Variants in VSNL1 observed in about 807,000 individuals in gnomAD.
VSNL1 encodes the protein visinin like 1.
A neutral mutation model predicts 20.4 loss-of-function variants in VSNL1; 6 were observed. The ratio of observed to expected loss-of-function variants is 0.29; its 90% CI spans 0.16 to 0.58. The LOEUF is 0.58. VSNL1 is among the 20% of genes least tolerant of loss of function. VSNL1 has a pLI of 0.90. For missense variants in VSNL1, 100 were observed against 234.5 expected (o/e 0.43, Z 3.75); for synonymous variants, 93 against 86.4 (o/e 1.08, Z -0.42).
intron 2 of VSNL1, among the ~76,000 whole-genome samples, chr2:17,617,269 C>T (rs986703410): frequency 2.6e-5 from 4 of 152,128 alleles, no homozygotes; most frequent in Non-Finnish European, 5.9e-5. Context: ...CCAAGGTGGG[C>T]AGATCCCCTG....
chr2:17,543,426 A>G (rs183846206), intron 1 of VSNL1, among the ~76,000 whole-genome samples: 35 of 152,286 alleles, frequency 2.3e-4, no homozygotes, highest in African/African-American at 8.2e-4. Flanking sequence ...CCTCCTCCAA[A>G]ACCACTGCAG....
chr2:17,612,017 A>C (rs1288227187), intron 2 of VSNL1, among the ~76,000 whole-genome samples: 1 of 152,186 alleles, frequency 6.6e-6, no homozygotes, highest in African/African-American at 2.4e-5. Context: ...AGACTTTGTC[A>C]TTTGTCAGGG....
At chr2:17,618,346 G>T (rs1256228574) in intron 2 of VSNL1, among the ~76,000 whole-genome samples, 1 of 152,126 alleles carries the variant, frequency 6.6e-6, no homozygotes, top group Non-Finnish European at 1.5e-5. Flanking sequence ...TCATTTGGAG[G>T]CTTGAGACCC....
At chr2:17,632,508 T>C (rs1665658351) in intron 2 of VSNL1, among the ~76,000 whole-genome samples, 1 of 151,824 alleles carries the variant, frequency 6.6e-6, no homozygotes, top group South Asian at 2.1e-4. Context: ...ACCATGTTGG[T>C]TAGGCTGGTT....
At chr2:17,560,641 T>A (rs959019695) in intron 1 of VSNL1, among the ~76,000 whole-genome samples, 27 of 152,136 alleles carry the variant, frequency 1.8e-4, no homozygotes, top group African/African-American at 6.3e-4. Flanking sequence ...AAGACTTCAA[T>A]TTTTTAAAGC....
intron 1 of VSNL1, among the ~76,000 whole-genome samples, chr2:17,559,097 C>T (rs1396641652): frequency 1.3e-5 from 2 of 152,004 alleles, no homozygotes; most frequent in Non-Finnish European, 1.5e-5. Context: ...AGTGTGGCGG[C>T]AGCCACATAT....
At chr2:17,549,631 C>T (rs62130448) in intron 1 of VSNL1, among the ~76,000 whole-genome samples, 4,453 of 152,202 alleles carry the variant, frequency 0.029, 63 homozygotes, top group Middle Eastern at 0.054. Flanking sequence ...GGAAATATAT[C>T]TTTACAGAAA....
At chr2:17,640,000 G>A (rs1315547261) in intron 2 of VSNL1, among the ~76,000 whole-genome samples, 1 of 152,212 alleles carries the variant, frequency 6.6e-6, no homozygotes, top group Non-Finnish European at 1.5e-5. Flanking sequence ...TGTAATCCCA[G>A]CACTTTTGGG....
At chr2:17,566,200 A>AT (rs1663936528) in intron 1 of VSNL1, among the ~76,000 whole-genome samples, 1 of 151,988 alleles carries the variant, frequency 6.6e-6, no homozygotes. Context: ...TTTTTTTGCT[A>AT]TTACAAAGTT....
chr2:17,592,103 C>G lies in VSNL1; in HGVS notation c.29C>G (p.Pro10Arg). 1.2e-6 allele frequency: 2 copies of G among 1,613,802 alleles called. No homozygotes were observed. Among genetic ancestry groups the G allele is most frequent in the Non-Finnish European group, 1.7e-6 (2 of 1,179,796 alleles). Residue 10 changes from proline (P) to arginine (R), a missense_variant, in exon 2 of 4, where the codon CCT (proline) becomes CGT (arginine). Coordinates refer to ENST00000295156, the MANE Select transcript of VSNL1 (RefSeq NM_003385.5). ...GGGAAGCAGAATAGCAAACTGGCCC[C>G]TGAAGTGATGGAGGACCTGGTGAAG... Reference protein sequence around the residue: MGKQNSKLAPEVMEDLVKST... With the variant: MGKQNSKLAREVMEDLVKST...
chr2:17,646,043 A>G (rs1665984345), intron 2 of VSNL1, among the ~76,000 whole-genome samples: 1 of 152,234 alleles, frequency 6.6e-6, no homozygotes, highest in African/African-American at 2.4e-5. Flanking sequence ...AATTTATCAC[A>G]GTAAAATTTT....
chr2:17,651,889 GTCT>G (rs1477822463), intron 3 of VSNL1, among the ~76,000 whole-genome samples: 1 of 152,166 alleles, frequency 6.6e-6, no homozygotes, highest in East Asian at 1.9e-4. Flanking sequence ...GTATTTTGTT[GTCT>G]TCATTTATAG....
At chr2:17,593,742 T>C (rs1183148350) in intron 2 of VSNL1, among the ~76,000 whole-genome samples, 2 of 152,230 alleles carry the variant, frequency 1.3e-5, no homozygotes, top group East Asian at 1.9e-4. Flanking sequence ...ATAGAAGTGC[T>C]GAGAAAGTGC....
chr2:17,548,148 A>ACCTT (rs1380381285), intron 1 of VSNL1, among the ~76,000 whole-genome samples: 2 of 152,106 alleles, frequency 1.3e-5, no homozygotes, highest in Admixed American at 6.6e-5. Flanking sequence ...AAGAAAAGAT[A>ACCTT]CCTTCCAACT....
intron 1 of VSNL1, among the ~76,000 whole-genome samples, chr2:17,574,326 C>G (rs1192043590): frequency 2.0e-5 from 3 of 152,156 alleles, no homozygotes; most frequent in African/African-American, 7.2e-5. Context: ...TTAGCCCTAT[C>G]ATCACATGAA....
At chr2:17,574,418 A>T (rs1296847748) in intron 1 of VSNL1, among the ~76,000 whole-genome samples, 3 of 152,136 alleles carry the variant, frequency 2.0e-5, no homozygotes, top group African/African-American at 4.8e-5. Flanking sequence ...TCTGCCCCCT[A>T]ATATTTTAAA....
chr2:17,571,892 A>G (rs1664093142), intron 1 of VSNL1, among the ~76,000 whole-genome samples: 1 of 152,258 alleles, frequency 6.6e-6, no homozygotes. Context: ...GAAGCCAGCC[A>G]TAAAGAATCT....
chr2:17,646,209 C>G (rs1311815328), intron 2 of VSNL1, among the ~76,000 whole-genome samples: 1 of 152,168 alleles, frequency 6.6e-6, no homozygotes, highest in Non-Finnish European at 1.5e-5. Context: ...GAAAATAACT[C>G]AGTTAGAATC....
chr2:17,565,810 C>T lies in VSNL1; in HGVS notation c.-6+24892C>T, dbSNP rs148816099. On this transcript the variant is annotated intron_variant, in intron 1 of 3. Coordinates refer to ENST00000295156, the MANE Select transcript of VSNL1 (RefSeq NM_003385.5). Reference sequence around the variant, plus strand: ...CTTGAATTGTAGTTCCCATAATTCCCACGTCATGGGAGGGACCAGGTGGAC... The same window carrying T: ...CTTGAATTGTAGTTCCCATAATTCCTACGTCATGGGAGGGACCAGGTGGAC... Among the ~76,000 whole-genome samples the T allele has an allele frequency of 4.1e-3, 617 of 152,274 alleles. 6 individuals are homozygous for T. Among genetic ancestry groups the T allele is most frequent in the African/African-American group, 0.014 (580 of 41,556 alleles).
Sources: gnomAD v4.1 joint callset for allele counts (sites outside exome capture counted in the v4.1 genomes callset) on GRCh38, gnomAD v4.1.1 for gene constraint, MANE v1.5 for transcripts, NCBI Gene and HGNC (gene_info 2026-07-23, HGNC 2026-07-21) for gene names.